Variants in SGCZ observed in about 807,000 individuals in gnomAD.
The protein encoded by SGCZ is sarcoglycan zeta, also known as zeta-sarcoglycan.
A neutral mutation model predicts 41.3 loss-of-function variants in SGCZ; 40 were observed. The observed-to-expected ratio is 0.97, with a 90% CI of 0.75 to 1.26. The LOEUF is 1.26. Ranked by LOEUF, SGCZ falls within the 50% of genes most tolerant of loss-of-function variation. The pLI is 0.00. For missense variants in SGCZ, 552 were observed against 369.8 expected, an observed-to-expected ratio of 1.49 and a Z score of -4.04; for synonymous variants, 206 against 137.5, an observed-to-expected ratio of 1.50 and a Z score of -3.49.
At chr8:14,924,733 C>T (rs2130796273) in intron 1 of SGCZ, among the ~76,000 whole-genome samples, 1 of 151,888 alleles carries the variant, frequency 6.6e-6, no homozygotes, top group East Asian at 1.9e-4. Context: ...ACATAGTAAA[C>T]TGAGTTTGAG....
chr8:14,413,900 G>A (rs949889186), intron 2 of SGCZ, among the ~76,000 whole-genome samples: 6 of 151,928 alleles, frequency 3.9e-5, no homozygotes, highest in African/African-American at 1.2e-4. Flanking sequence ...AACTCTGTAA[G>A]TTTACAATAA....
chr8:14,932,641 A>G (rs1236296170), intron 1 of SGCZ, among the ~76,000 whole-genome samples: 2 of 152,048 alleles, frequency 1.3e-5, no homozygotes, highest in African/African-American at 4.8e-5. Flanking sequence ...AGGCAAAACA[A>G]AAATAAATGT....
chr8:14,394,428 C>T (rs1356339227), intron 2 of SGCZ, among the ~76,000 whole-genome samples: 1 of 152,136 alleles, frequency 6.6e-6, no homozygotes, highest in Non-Finnish European at 1.5e-5. Flanking sequence ...GGATTACAGG[C>T]ATGAGCCACC....
rs540116909 is a variant in SGCZ, at chr8:14,851,180, T to C, written c.40-296254A>G. Among the ~76,000 whole-genome samples the C allele has an allele frequency of 2.8e-4, 42 of 151,898 alleles. No homozygotes were observed. In the South Asian group the frequency reaches 3.3e-3, roughly 12 times the overall value. On this transcript the variant is annotated intron_variant, in intron 1 of 7. Coordinates refer to ENST00000382080, the MANE Select transcript of SGCZ (RefSeq NM_139167.4). ...GTCAGGAGATCGAGGCCATCCTGGC[T>C]AACATAGTGAAACGCTGTCTTTACT...
intron 1 of SGCZ, among the ~76,000 whole-genome samples, chr8:14,957,926 C>T (rs542463157): frequency 6.6e-6 from 1 of 152,082 alleles, no homozygotes; most frequent in South Asian, 2.1e-4. Flanking sequence ...CAGAAAAATA[C>T]TTCTTATGTG....
chr8:14,826,348 C>G lies in SGCZ; in HGVS notation c.40-271422G>C, dbSNP rs539828160. On this transcript the variant is annotated intron_variant, in intron 1 of 7. Transcript: ENST00000382080. ...CAGTCTATCATGGTTGGACATTTGG[C>G]TTGGTTCCAAGTCTTTGCTATTGTG... Among the ~76,000 whole-genome samples the G allele has an allele frequency of 2.4e-4, 37 of 152,138 alleles. No homozygotes were observed. In the South Asian group the frequency reaches 4.4e-3, roughly 18 times the overall value.
At chr8:14,578,669 G>T (rs952853172) in intron 1 of SGCZ, among the ~76,000 whole-genome samples, 3 of 152,126 alleles carry the variant, frequency 2.0e-5, no homozygotes, top group African/African-American at 7.2e-5. Context: ...AAAATTCGGT[G>T]ATGAATAATA....
chr8:15,044,239 A>G (rs895469558), intron 1 of SGCZ, among the ~76,000 whole-genome samples: 1 of 152,290 alleles, frequency 6.6e-6, no homozygotes, highest in South Asian at 2.1e-4. Context: ...TTTGCTTGCC[A>G]CATGTCCATT....
chr8:14,664,870 T>C (rs1348895269), intron 1 of SGCZ, among the ~76,000 whole-genome samples: 1 of 152,162 alleles, frequency 6.6e-6, no homozygotes, highest in Non-Finnish European at 1.5e-5. Context: ...CAAAGCTCTC[T>C]GACATATGGA....
intron 5 of SGCZ, among the ~76,000 whole-genome samples, chr8:14,147,338 A>T (rs1182067358): frequency 6.6e-6 from 1 of 152,146 alleles, no homozygotes; most frequent in Non-Finnish European, 1.5e-5. Context: ...ACCTATAAAG[A>T]TACACACAGA....
intron 1 of SGCZ, among the ~76,000 whole-genome samples, chr8:14,933,646 G>A (rs1469994580): frequency 5.3e-5 from 8 of 151,674 alleles, no homozygotes. Context: ...TAGAGATGGG[G>A]TTCTACCGTG....
chr8:14,242,339 T>G (rs1340334548), intron 3 of SGCZ, among the ~76,000 whole-genome samples: 1 of 152,234 alleles, frequency 6.6e-6, no homozygotes, highest in Non-Finnish European at 1.5e-5. Context: ...TTTACATATA[T>G]GAGATCATCC....
intron 2 of SGCZ, among the ~76,000 whole-genome samples, chr8:14,335,015 G>A (rs2117060988): frequency 6.6e-6 from 1 of 152,162 alleles, no homozygotes; most frequent in South Asian, 2.1e-4. Context: ...GGAACTATTA[G>A]GTAAATGTCA....
intron 1 of SGCZ, among the ~76,000 whole-genome samples, chr8:15,042,815 T>C (rs6995750): frequency 0.53 from 79,884 of 151,864 alleles, 21,631 homozygotes; most frequent in Admixed American, 0.61. Context: ...ACAAGAAGAG[T>C]TTTCGCTCGG....
chr8:14,898,499 G>A (rs1805286924), intron 1 of SGCZ, among the ~76,000 whole-genome samples: 2 of 152,146 alleles, frequency 1.3e-5, no homozygotes, highest in South Asian at 4.1e-4. Flanking sequence ...GGACTGATAT[G>A]GTTAGGTTGT....
At chr8:14,788,673 C>G (rs1301086677) in intron 1 of SGCZ, among the ~76,000 whole-genome samples, 1 of 152,182 alleles carries the variant, frequency 6.6e-6, no homozygotes, top group Non-Finnish European at 1.5e-5. Context: ...AATACATCCA[C>G]TCTTTTTGTT....
intron 1 of SGCZ, among the ~76,000 whole-genome samples, chr8:14,933,602 T>A (rs1277971186): frequency 6.6e-6 from 1 of 151,682 alleles, no homozygotes; most frequent in Non-Finnish European, 1.5e-5. Flanking sequence ...CGGCTAATTT[T>A]TCTTTCTTTC....
chr8:14,626,936 G>T (rs1054238698), intron 1 of SGCZ, among the ~76,000 whole-genome samples: 1 of 152,066 alleles, frequency 6.6e-6, no homozygotes, highest in Non-Finnish European at 1.5e-5. Context: ...ACGATTTACT[G>T]CTTCAGGATC....
chr8:14,618,518 G>C (rs546968968), intron 1 of SGCZ, among the ~76,000 whole-genome samples: 1 of 152,232 alleles, frequency 6.6e-6, no homozygotes, highest in South Asian at 2.1e-4. Context: ...AAAACAGGGA[G>C]GCAATACTAG....
Sources: allele counts gnomAD v4.1 joint callset (sites outside exome capture counted in the v4.1 genomes callset), GRCh38; gene constraint gnomAD v4.1.1; transcripts MANE v1.5; gene names NCBI Gene and HGNC (gene_info 2026-07-23, HGNC 2026-07-21).